The following KCNMB2 variants were observed in gnomAD, a reference collection of about 807,000 sequenced individuals.
KCNMB2 encodes the protein calcium-activated potassium channel subunit beta-2.
KCNMB2 carries 9 observed loss-of-function variants against 24.5 expected under a neutral mutation model. The observed-to-expected ratio is 0.37, with a 90% CI of 0.22 to 0.64. The LOEUF is 0.64. Ranked by LOEUF, KCNMB2 falls within the 30% of genes least tolerant of loss-of-function variation. KCNMB2 has a pLI of 0.63. For synonymous variants in KCNMB2, 109 were observed against 104.4 expected (o/e 1.04, Z -0.27); for missense variants, 226 against 284.3 (o/e 0.79, Z 1.47).
At position 178,653,931 on chromosome 3, in the gene KCNMB2, C is replaced by CT. The variant is rs1577074740; in HGVS notation, c.-68+117227dup. On this transcript the variant is annotated intron_variant, in intron 1 of 4. Transcript: ENST00000452583. ...CATGAAATGAGTTAGAAAATCTTCC[C>CT]TTTTTTTACTACTTTCTGAAAACTC... Among the ~76,000 whole-genome samples, 4 of 152,060 alleles carry CT rather than the reference C, an allele frequency of 2.6e-5. No homozygotes were observed. In the East Asian group the frequency reaches 7.7e-4, roughly 29 times the overall value.
intron 1 of KCNMB2, among the ~76,000 whole-genome samples, chr3:178,675,367 A>C (rs1235732735): frequency 6.6e-6 from 1 of 152,170 alleles, no homozygotes; most frequent in Non-Finnish European, 1.5e-5. Flanking sequence ...GCTAAGTACC[A>C]GTTACCGTGT....
chr3:178,689,318 A>G (rs1186847754), intron 1 of KCNMB2, among the ~76,000 whole-genome samples: 2 of 152,078 alleles, frequency 1.3e-5, no homozygotes, highest in Admixed American at 6.6e-5. Flanking sequence ...ACCAGCTAGA[A>G]CCGCCTTGCA....
intron 1 of KCNMB2, among the ~76,000 whole-genome samples, chr3:178,790,222 C>G (rs1274398602): frequency 6.6e-6 from 1 of 151,994 alleles, no homozygotes; most frequent in Non-Finnish European, 1.5e-5. Context: ...CACCTGCTGA[C>G]TAAAGGGTCC....
At chr3:178,734,115 A>G (rs77816645) in intron 1 of KCNMB2, among the ~76,000 whole-genome samples, 21,301 of 152,244 alleles carry the variant, frequency 0.14, 1,842 homozygotes, top group Non-Finnish European at 0.18. Flanking sequence ...AAGCATTTGC[A>G]TATACATAAT....
intron 1 of KCNMB2, among the ~76,000 whole-genome samples, chr3:178,756,217 T>A (rs1166527176): frequency 6.6e-6 from 1 of 151,900 alleles, no homozygotes; most frequent in Non-Finnish European, 1.5e-5. Flanking sequence ...CATGTGTGTG[T>A]ATATATATGT....
At chr3:178,667,586 C>G (rs545167019) in intron 1 of KCNMB2, among the ~76,000 whole-genome samples, 227 of 152,176 alleles carry the variant, frequency 1.5e-3, no homozygotes, top group Admixed American at 3.3e-3. Flanking sequence ...ACAAAACAGA[C>G]TAAGACACCA....
chr3:178,612,376 C>G (rs1298641322), intron 1 of KCNMB2, among the ~76,000 whole-genome samples: 1 of 152,060 alleles, frequency 6.6e-6, no homozygotes, highest in Non-Finnish European at 1.5e-5. Flanking sequence ...TATATTGGGG[C>G]CTATTTCTCT....
At chr3:178,577,600 T>C (rs566640306) in intron 1 of KCNMB2, among the ~76,000 whole-genome samples, 5 of 152,184 alleles carry the variant, frequency 3.3e-5, no homozygotes, top group African/African-American at 1.2e-4. Context: ...TCTAACCCAA[T>C]ACAAGGAAGC....
intron 1 of KCNMB2, among the ~76,000 whole-genome samples, chr3:178,680,968 A>G (rs1047370880): frequency 6.6e-6 from 1 of 152,334 alleles, no homozygotes; most frequent in East Asian, 1.9e-4. Flanking sequence ...GCCAATCAGT[A>G]GAAGCTCCAG....
chr3:178,599,441 A>C (rs768672200), intron 1 of KCNMB2, among the ~76,000 whole-genome samples: 1 of 152,168 alleles, frequency 6.6e-6, no homozygotes, highest in Non-Finnish European at 1.5e-5. Context: ...TCATCAGGCT[A>C]CAGAATTTTT....
intron 1 of KCNMB2, among the ~76,000 whole-genome samples, chr3:178,684,496 C>T (rs182039844): frequency 5.3e-5 from 8 of 151,784 alleles, no homozygotes; most frequent in African/African-American, 1.9e-4. Flanking sequence ...GCATTTGCCA[C>T]AAAAACAAAA....
intron 1 of KCNMB2, among the ~76,000 whole-genome samples, chr3:178,789,892 G>C (rs1713254688): frequency 6.6e-6 from 1 of 151,956 alleles, no homozygotes; most frequent in Non-Finnish European, 1.5e-5. Flanking sequence ...CTGTGGACTT[G>C]GTGGGTGCAC....
At position 178,791,505 on chromosome 3, in the gene KCNMB2, A is replaced by C. The variant is rs538088590; in HGVS notation, c.-67-15838A>C. On this transcript the variant is annotated intron_variant, in intron 1 of 4. Transcript: ENST00000452583. ...ATCTGTAAAATAGCCCCAAAAGGGC[A>C]AATCTAAGAGTTATTGGCCTTAAGG... is the stretch of plus-strand genomic sequence containing the variant. Among the ~76,000 whole-genome samples the C allele has an allele frequency of 5.9e-5, 9 of 152,346 alleles. No homozygotes were observed. The East Asian group carries it at 1.7e-3, about 29-fold the overall frequency.
chr3:178,747,719 T>A (rs965329075), intron 1 of KCNMB2, among the ~76,000 whole-genome samples: 1 of 152,238 alleles, frequency 6.6e-6, no homozygotes, highest in Non-Finnish European at 1.5e-5. Flanking sequence ...AACCTCACTG[T>A]TACTTGATTG....
intron 1 of KCNMB2, among the ~76,000 whole-genome samples, chr3:178,678,458 G>A (rs768353145): frequency 6.6e-6 from 1 of 152,144 alleles, no homozygotes; most frequent in Non-Finnish European, 1.5e-5. Flanking sequence ...AAAATAAGAG[G>A]AAGATAGAAG....
intron 1 of KCNMB2, among the ~76,000 whole-genome samples, chr3:178,730,166 A>G (rs1378255145): frequency 6.6e-6 from 1 of 152,196 alleles, no homozygotes; most frequent in East Asian, 1.9e-4. Flanking sequence ...TAGAGATTCA[A>G]AATATTGGTG....
chr3:178,719,162 T>C (rs1171832525), intron 1 of KCNMB2, among the ~76,000 whole-genome samples: 2 of 152,218 alleles, frequency 1.3e-5, no homozygotes, highest in African/African-American at 4.8e-5. Context: ...TCAGTTGCTT[T>C]ATTCTTTTCC....
intron 1 of KCNMB2, among the ~76,000 whole-genome samples, chr3:178,565,940 A>T (rs1021383051): frequency 6.6e-6 from 1 of 152,228 alleles, no homozygotes; most frequent in African/African-American, 2.4e-5. Flanking sequence ...AATATAAAAA[A>T]TTCAGAAATA....
At chr3:178,624,983 A>G (rs1488267054) in intron 1 of KCNMB2, among the ~76,000 whole-genome samples, 2 of 152,104 alleles carry the variant, frequency 1.3e-5, no homozygotes, top group African/African-American at 2.4e-5. Flanking sequence ...AGGAAAAAGC[A>G]GCAGGCTGCC....
Sources: gnomAD v4.1 joint callset for allele counts (sites outside exome capture counted in the v4.1 genomes callset) on GRCh38, gnomAD v4.1.1 for gene constraint, MANE v1.5 for transcripts, NCBI Gene and HGNC (gene_info 2026-07-23, HGNC 2026-07-21) for gene names.